Variants in ARHGAP28 observed in about 807,000 individuals in gnomAD.
The protein encoded by ARHGAP28 is rho GTPase-activating protein 28.
A neutral mutation model predicts 90.7 loss-of-function variants in ARHGAP28; 56 were observed. The ratio of observed to expected loss-of-function variants is 0.62; its 90% CI spans 0.50 to 0.77. The LOEUF is 0.77. Ranked by LOEUF, ARHGAP28 falls within the 30% of genes least tolerant of loss-of-function variation. The pLI, the probability that ARHGAP28 is intolerant of heterozygous loss-of-function variation, is 0.00. For missense variants in ARHGAP28, 869 were observed against 900.9 expected, an observed-to-expected ratio of 0.96 and a Z score of 0.45; for synonymous variants, 308 against 323.3, an observed-to-expected ratio of 0.95 and a Z score of 0.51.
chr18:6,844,765 A>G (rs574527801), intron 3 of ARHGAP28, among the ~76,000 whole-genome samples: 57 of 152,328 alleles, frequency 3.7e-4, no homozygotes, highest in African/African-American at 1.3e-3. Flanking sequence ...GGTTAGAAAA[A>G]AAAATTATTT....
At chr18:6,772,952 G>A (rs542571737) in intron 1 of ARHGAP28, among the ~76,000 whole-genome samples, 1 of 151,968 alleles carries the variant, frequency 6.6e-6, no homozygotes, top group African/African-American at 2.4e-5. Flanking sequence ...TGTTGGCCAG[G>A]CTGGTCTCGA....
At chr18:6,772,356 C>T (rs1027152852) in intron 1 of ARHGAP28, among the ~76,000 whole-genome samples, 1 of 152,174 alleles carries the variant, frequency 6.6e-6, no homozygotes. Context: ...TACTACATTG[C>T]ATTTTCCCTG....
chr18:6,831,481 T>C (rs556682167), intron 2 of ARHGAP28, among the ~76,000 whole-genome samples: 6,220 of 147,000 alleles, frequency 0.042, 158 homozygotes, highest in Non-Finnish European at 0.053. Context: ...GTTTTTTTTT[T>C]TTTTTTCTTT....
chr18:6,743,737 T>G (rs1406286859), intron 1 of ARHGAP28, among the ~76,000 whole-genome samples: 1 of 151,922 alleles, frequency 6.6e-6, no homozygotes, highest in African/African-American at 2.4e-5. Context: ...TAAATTTTAC[T>G]TGAGTCATTT....
intron 1 of ARHGAP28, among the ~76,000 whole-genome samples, chr18:6,807,586 TTA>T (rs2056528004): frequency 6.6e-6 from 1 of 152,228 alleles, no homozygotes; most frequent in South Asian, 2.1e-4. Context: ...ATCCATGGTC[TTA>T]TAAATTATGA....
At chr18:6,734,973 A>G (rs952149339) in intron 1 of ARHGAP28, among the ~76,000 whole-genome samples, 2 of 152,130 alleles carry the variant, frequency 1.3e-5, no homozygotes, top group African/African-American at 2.4e-5. Flanking sequence ...CATCTGGTAC[A>G]TTTCCTTTGA....
intron 1 of ARHGAP28, among the ~76,000 whole-genome samples, chr18:6,816,829 T>C (rs2056594187): frequency 6.6e-6 from 1 of 152,128 alleles, no homozygotes; most frequent in South Asian, 2.1e-4. Flanking sequence ...GGCTCACACC[T>C]GTAATCCCAG....
intron 3 of ARHGAP28, among the ~76,000 whole-genome samples, chr18:6,839,558 A>T (rs1245794096): frequency 6.6e-6 from 1 of 152,114 alleles, no homozygotes; most frequent in Non-Finnish European, 1.5e-5. Flanking sequence ...CGGCCTCCCA[A>T]AGTGCTGGGA....
chr18:6,900,672 C>T (rs1343997310), intron 16 of ARHGAP28, among the ~76,000 whole-genome samples: 1 of 149,136 alleles, frequency 6.7e-6, no homozygotes, highest in Non-Finnish European at 1.5e-5. Flanking sequence ...CAGGGACCTA[C>T]GGGAGTCTAA....
chr18:6,783,257 C>T (rs964204850), intron 1 of ARHGAP28, among the ~76,000 whole-genome samples: 22 of 151,772 alleles, frequency 1.4e-4, no homozygotes, highest in African/African-American at 3.9e-4. Flanking sequence ...TTTTCCATGT[C>T]GCCCCCCTCG....
intron 16 of ARHGAP28, among the ~76,000 whole-genome samples, chr18:6,901,477 T>A (rs1177821559): frequency 6.7e-6 from 1 of 149,526 alleles, no homozygotes; most frequent in Non-Finnish European, 1.5e-5. Flanking sequence ...ATCGGGTTAA[T>A]ATTAACAGTG....
chr18:6,875,667 C>T (rs549590495), intron 9 of ARHGAP28, among the ~76,000 whole-genome samples: 1 of 152,320 alleles, frequency 6.6e-6, no homozygotes, highest in South Asian at 2.1e-4. Flanking sequence ...ATCCTGAGAA[C>T]TCACGAAAGC....
intron 12 of ARHGAP28, among the ~76,000 whole-genome samples, chr18:6,889,146 C>G (rs2057244912): frequency 6.6e-6 from 1 of 152,116 alleles, no homozygotes; most frequent in African/African-American, 2.4e-5. Context: ...AAATACTGTA[C>G]AGTGGAATTC....
chr18:6,764,388 C>A (rs182344176), intron 1 of ARHGAP28, among the ~76,000 whole-genome samples: 1 of 152,120 alleles, frequency 6.6e-6, no homozygotes. Context: ...TTGGCATTAT[C>A]GAGGTTTCAG....
intron 1 of ARHGAP28, among the ~76,000 whole-genome samples, chr18:6,798,386 G>A (rs964334401): frequency 1.3e-5 from 2 of 152,154 alleles, no homozygotes; most frequent in East Asian, 3.9e-4. Flanking sequence ...TAGAGACGGG[G>A]TTTTCCCATG....
chr18:6,873,685 C>G lies in ARHGAP28; in HGVS notation c.1122C>G (p.Asp374Glu). 1 of 1,612,960 alleles carries G rather than the reference C, an allele frequency of 6.2e-7. No individual in the cohort carries two copies. The highest frequency in any genetic ancestry group is 8.5e-7 in the Non-Finnish European group (1 of 1,179,644). Residue 374 changes from aspartate (D) to glutamate (E), a missense_variant and splice_region_variant, in exon 9 of 18, where the codon GAC (aspartate) becomes GAG (glutamate). Asp to Glu is a conservative substitution (Grantham distance 45). Transcript: ENST00000383472. ...RNKTEKVKGR[D>E]NGIFGVPLTV... is the part of the protein sequence containing the mutation. The stretch of plus-strand genomic sequence containing the variant: ...CCCCTTTACTGTCTCACAATGAAGA[C>G]AATGGGATTTTTGGAGTTCCACTTA...
chr18:6,870,941 C>T (rs989666657), intron 7 of ARHGAP28, among the ~76,000 whole-genome samples: 25 of 152,160 alleles, frequency 1.6e-4, no homozygotes, highest in African/African-American at 4.3e-4. Flanking sequence ...GCTGGGACTA[C>T]AGGCACCTGC....
At chr18:6,739,833 T>C (rs1386665270) in intron 1 of ARHGAP28, among the ~76,000 whole-genome samples, 2 of 151,776 alleles carry the variant, frequency 1.3e-5, no homozygotes, top group African/African-American at 4.8e-5. Context: ...TTCCTTGCAG[T>C]ATGATTTATA....
intron 1 of ARHGAP28, among the ~76,000 whole-genome samples, chr18:6,776,834 T>A (rs896003500): frequency 6.6e-6 from 1 of 152,160 alleles, no homozygotes; most frequent in South Asian, 2.1e-4. Context: ...AATATCTTGT[T>A]CCCCTTGACT....
Sources: gnomAD v4.1 joint callset for allele counts (sites outside exome capture counted in the v4.1 genomes callset) on GRCh38, gnomAD v4.1.1 for gene constraint, MANE v1.5 for transcripts, NCBI Gene and HGNC (gene_info 2026-07-23, HGNC 2026-07-21) for gene names.